The following SEMA4G variants were observed in gnomAD, a reference collection of about 807,000 sequenced individuals.
SEMA4G encodes semaphorin-4G.
SEMA4G carries 59 observed loss-of-function variants against 81.2 expected under a neutral mutation model. The observed-to-expected ratio is 0.73, with a 90% CI of 0.59 to 0.90. The LOEUF is 0.90. Ranked by LOEUF, SEMA4G falls within the 40% of genes least tolerant of loss-of-function variation. SEMA4G has a pLI of 0.00. For missense variants in SEMA4G, 952 were observed against 1,102.3 expected (o/e 0.86, Z 1.93); for synonymous variants, 404 against 433.9 (o/e 0.93, Z 0.86).
At position 100,973,394 on chromosome 10, in the gene SEMA4G, C is replaced by A; in HGVS notation, c.273+117C>A. The A allele has an allele frequency of 7.1e-7, 1 of 1,410,456 alleles. No homozygotes were observed. Among genetic ancestry groups the A allele is most frequent in the Non-Finnish European group, 9.8e-7 (1 of 1,025,288 alleles). 87.4% of individuals were successfully genotyped at this position (1,410,456 alleles called of 1,614,324 possible). A position where few individuals can be genotyped will look rare whatever the true frequency, so the allele number is the denominator to read the frequency against. On this transcript the variant is annotated intron_variant, in intron 2 of 13. Coordinates refer to ENST00000370250, the Ensembl canonical transcript of SEMA4G. The surrounding 1 kb of genome is among the most constrained non-coding windows in gnomAD (Gnocchi z 5.5). ...ATAGCCCCCTGGTCAGACAGCACTG[C>A]CCTTCCCAGCCCAGGTGTTCCTTGC...
chr10:100,976,722 T>C (rs111924746), intron 3 of SEMA4G, among the ~76,000 whole-genome samples: 2,024 of 152,314 alleles, frequency 0.013, 20 homozygotes, highest in Middle Eastern at 0.068. Flanking sequence ...CAGACAATAG[T>C]AACAGCAGTC....
chr10:100,977,514 C>T (rs1175910326), intron 3 of SEMA4G, 118 bp from the exon 5 acceptor site: 1 of 779,064 alleles, frequency 1.3e-6, no homozygotes, highest in Admixed American at 1.8e-5. Flanking sequence ...TCACAGGTAT[C>T]TTGGAAAGAA....
exon 14 of SEMA4G, chr10:100,984,549 C>G (rs1313501848): frequency 5.2e-6 from 8 of 1,536,064 alleles, no homozygotes; most frequent in Non-Finnish European, 7.0e-6. Context: ...GCCCTGTGTG[C>G]TGGATGGTCC....
chr10:100,981,630 C>T, intron 13 of SEMA4G: 4 of 1,482,150 alleles, frequency 2.7e-6, no homozygotes, highest in Non-Finnish European at 3.7e-6. Flanking sequence ...TACTTCTATG[C>T]ATGATGTCAT....
At chr10:100,982,960 C>G (rs191629710) in intron 13 of SEMA4G, among the ~76,000 whole-genome samples, 1 of 152,312 alleles carries the variant, frequency 6.6e-6, no homozygotes, top group African/African-American at 2.4e-5. Context: ...GTCCAAGAGA[C>G]CTCATGTGGA....
exon 14 of SEMA4G, chr10:100,983,813 G>T: frequency 6.2e-7 from 1 of 1,603,004 alleles, no homozygotes; most frequent in East Asian, 2.3e-5. Flanking sequence ...TCTCAGGCCA[G>T]TGTCCTGGAG....
exon 8 of SEMA4G, chr10:100,979,269 G>C: frequency 6.2e-7 from 1 of 1,614,188 alleles, no homozygotes; most frequent in Non-Finnish European, 8.5e-7. Flanking sequence ...TGAGCACACA[G>C]TGGTCAGTGC....
intron 3 of SEMA4G, among the ~76,000 whole-genome samples, chr10:100,974,182 A>C (rs1230415446): frequency 1.3e-5 from 2 of 152,028 alleles, no homozygotes; most frequent in Non-Finnish European, 2.9e-5. Flanking sequence ...GGCAATAAGT[A>C]GGCTGAACGC....
At chr10:100,977,637 G>A (rs1488741560) in exon 4 of SEMA4G, 2 of 1,613,860 alleles carry the variant, frequency 1.2e-6, no homozygotes, top group East Asian at 2.2e-5. Flanking sequence ...CACAGACGGA[G>A]TGCTTTAACC....
At chr10:100,980,028 C>G in intron 9 of SEMA4G, 36 bp downstream of exon 10, 1 of 1,613,862 alleles carries the variant, frequency 6.2e-7, no homozygotes, top group South Asian at 1.1e-5. Context: ...GCTGAGTAGA[C>G]AGAGCCCAGG....
chr10:100,982,819 A>G (rs1410453664), intron 13 of SEMA4G, among the ~76,000 whole-genome samples: 2 of 152,182 alleles, frequency 1.3e-5, no homozygotes, highest in Non-Finnish European at 1.5e-5. Context: ...CAAAAAGGCG[A>G]GCAAGAAAGA....
In SEMA4G at chr10:100,973,194, G is replaced by A; in HGVS notation, c.190G>A (p.Ala64Thr). The change falls in exon 2 of 14, where the codon GCC (alanine) becomes ACC (threonine). Residue 64 changes from alanine to threonine, a missense_variant. By Grantham distance (58) the Ala-to-Thr change is moderately conservative (BLOSUM62 0). This residue lies in a region of SEMA4G where 436 missense variants were observed against 488.2 expected (regional missense o/e 0.89). Transcript: ENST00000370250. This position sits in a 1 kb window ranked among gnomAD's most constrained non-coding sequence, Gnocchi z 5.5. ...CTACTCAACACTGCTGCTGGAGGAG[G>A]CCTCAGCAAGGCTGCTGGTGGGAGC... The A allele has an allele frequency of 1.2e-6, 2 of 1,613,794 alleles. No homozygotes were observed. The highest frequency in any genetic ancestry group is 1.3e-5 in the African/African-American group (1 of 75,000).
chr10:100,973,700 C>G lies in SEMA4G; in HGVS notation c.336+91C>G, dbSNP rs753406412. On this transcript the variant is annotated intron_variant, in intron 3 of 13. Coordinates refer to ENST00000370250, the Ensembl canonical transcript of SEMA4G. The surrounding 1 kb of genome is among the most constrained non-coding windows in gnomAD (Gnocchi z 5.5). ...TGTTGGGGACACAGATGGGTAGGTACAGACCTGCCAGTCAATCTCAGCAAC... is the reference window on the plus strand; with the variant it reads ...TGTTGGGGACACAGATGGGTAGGTAGAGACCTGCCAGTCAATCTCAGCAAC... The G allele has an allele frequency of 8.9e-7, 1 of 1,117,718 alleles. No individual in the cohort carries two copies. The allele number at this position is 1,117,718 out of a possible 1,614,324, so 69.2% of individuals were successfully genotyped here. A position where few individuals can be genotyped will look rare whatever the true frequency, so the allele number is the denominator to read the frequency against.
upstream of SEMA4G, chr10:100,970,014 G>T (rs1850585930): frequency 7.2e-6 from 3 of 414,550 alleles, no homozygotes; most frequent in Non-Finnish European, 1.5e-5. Context: ...AGCCAGGAGA[G>T]ACCGCCATCC....
intron 4 of SEMA4G, chr10:100,977,970 C>T (rs1850874199): frequency 1.7e-6 from 1 of 573,986 alleles, no homozygotes; most frequent in Admixed American, 3.1e-5. Context: ...CTCCACCTGG[C>T]AAACTTCATT....
At chr10:100,985,367 T>A (rs535391514), downstream of SEMA4G, 85 of 155,014 alleles carry the variant, frequency 5.5e-4, 3 homozygotes, top group South Asian at 0.017. Flanking sequence ...AGCTCCCCCA[T>A]TCCCCTCGGG....
Position 100,983,609 on chromosome 10 carries a change from T to TG in SEMA4G, c.1999dup (p.Ala667GlyfsTer6). 3 of 1,614,030 alleles carry TG rather than the reference T, an allele frequency of 1.9e-6. No individual in the cohort carries two copies. The highest frequency in any genetic ancestry group is 2.5e-6 in the Non-Finnish European group (3 of 1,179,996). The stretch of plus-strand genomic sequence containing the variant: ...CAGCTCCAAAAGCCCCTGCCACACC[T>TG]GGGGCACAGCTGGCACCTGATGTGA... On this transcript the variant is annotated frameshift_variant, in exon 14 of 14. Coordinates refer to ENST00000370250, the Ensembl canonical transcript of SEMA4G. LOFTEE classifies it high-confidence loss of function.
At chr10:100,978,252 G>T (rs779817120) in intron 4 of SEMA4G, 43 bp from the exon 6 acceptor site, 3 of 1,482,054 alleles carry the variant, frequency 2.0e-6, no homozygotes, top group African/African-American at 2.8e-5. Flanking sequence ...CACTGTCCCT[G>T]CCTGTCTTCG....
intron 6 of SEMA4G, 34 bp from the exon 8 acceptor site, chr10:100,978,815 G>C (rs543987417): frequency 1.2e-6 from 2 of 1,606,152 alleles, no homozygotes; most frequent in Non-Finnish European, 1.7e-6. Context: ...TCCCCAGCCT[G>C]TCTCAAAAGC....
Sources: gnomAD v4.1 joint callset for allele counts (sites outside exome capture counted in the v4.1 genomes callset) on GRCh38, gnomAD v4.1.1 for gene constraint, gnomAD v4.1.1 regional missense constraint, Gnocchi (gnomAD v3.1) non-coding constraint, MANE v1.5 for transcripts, NCBI Gene and HGNC (gene_info 2026-07-23, HGNC 2026-07-21) for gene names.